Variants in EDA observed in about 807,000 individuals in gnomAD.
EDA encodes ectodysplasin-A.
Under a neutral mutation model 23.6 loss-of-function variants are expected in EDA, and 2 were observed. The observed-to-expected ratio is 0.08, with a 90% confidence interval of 0.03 to 0.27. The LOEUF is 0.27. Ranked by LOEUF, EDA falls within the 10% of genes least tolerant of loss-of-function variation. The probability of loss-of-function intolerance (pLI) is 1.00; values close to 1 mark genes in which losing one functional copy is unlikely to be tolerated. For missense variants in EDA, 229 were observed against 324.2 expected (o/e 0.71, Z 2.26); for synonymous variants, 131 against 132.0 (o/e 0.99, Z 0.05).
intron 1 of EDA, among the ~76,000 whole-genome samples, chrX:69,681,959 A>G (rs1258935385): frequency 9.2e-6 from 1 of 109,055 alleles, no homozygotes; most frequent in Non-Finnish European, 1.9e-5. Context: ...GGTTTTATCT[A>G]CTTTTGGTCT....
In EDA at chrX:69,838,972, A is replaced by G. The variant is rs780097952; in HGVS notation, c.397-118055A>G. On this transcript the variant is annotated intron_variant, in intron 1 of 7. Coordinates refer to ENST00000374552, the MANE Select transcript of EDA (RefSeq NM_001399.5). ...CACAAAGAAATAAATGCAAATATGT[A>G]GATGTTTGAAAACCCCTCCTGTCCA... Among the ~76,000 whole-genome samples, 3 of 112,206 alleles carry G rather than the reference A, an allele frequency of 2.7e-5. No homozygotes were observed. In the East Asian group the frequency reaches 8.5e-4, roughly 32 times the overall value.
At chrX:69,769,680 A>C (rs969359329) in intron 1 of EDA, among the ~76,000 whole-genome samples, 1 of 111,183 alleles carries the variant, frequency 9.0e-6, no homozygotes, top group African/African-American at 3.3e-5. Context: ...TTTATCTCTT[A>C]GTATGTTAGG....
At chrX:69,711,485 T>A (rs181272111) in intron 1 of EDA, among the ~76,000 whole-genome samples, 301 of 111,774 alleles carry the variant, frequency 2.7e-3, no homozygotes, top group African/African-American at 9.5e-3. Context: ...CAGGCTTTGG[T>A]ATCAGGATGA....
chrX:69,687,010 C>A (rs1284329908), intron 1 of EDA, among the ~76,000 whole-genome samples: 1 of 111,803 alleles, frequency 8.9e-6, no homozygotes, highest in East Asian at 2.8e-4. Flanking sequence ...GACTGTTTTC[C>A]AAAGTGGCTG....
intron 1 of EDA, among the ~76,000 whole-genome samples, chrX:69,952,811 G>A (rs138372024): frequency 4.3e-4 from 48 of 111,709 alleles, no homozygotes; most frequent in African/African-American, 1.3e-3. Flanking sequence ...TAATACAAGA[G>A]TATCTTTTCC....
At chrX:69,725,073 A>G (rs999663681) in intron 1 of EDA, among the ~76,000 whole-genome samples, 36 of 112,290 alleles carry the variant, frequency 3.2e-4, no homozygotes, top group African/African-American at 1.1e-3. Flanking sequence ...TTCAGTTTAC[A>G]TGCCATTAAC....
chrX:69,828,264 C>T (rs1397922808), intron 1 of EDA, among the ~76,000 whole-genome samples: 1 of 112,446 alleles, frequency 8.9e-6, no homozygotes, highest in African/African-American at 3.2e-5. Flanking sequence ...TTTATGTAAG[C>T]AAGCCTGGGC....
Position 69,874,577 on chromosome X carries a change from C to A in EDA, c.397-82450C>A, listed in dbSNP as rs555450126. ...AAGTTGAAAGTGTTCTTCCTGAGAA[C>A]TGAAACAAGACGAGGATGCCCACTT... On this transcript the variant is annotated intron_variant, in intron 1 of 7. Coordinates refer to ENST00000374552, the MANE Select transcript of EDA (RefSeq NM_001399.5). Among the ~76,000 whole-genome samples the A allele has an allele frequency of 1.9e-4, 21 of 111,491 alleles. No individual in the cohort carries two copies. In the South Asian group the frequency reaches 2.7e-3, roughly 14 times the overall value.
chrX:69,979,998 GT>G (rs1171507617), intron 2 of EDA, among the ~76,000 whole-genome samples: 1 of 109,681 alleles, frequency 9.1e-6, no homozygotes, highest in East Asian at 2.9e-4. Flanking sequence ...TCCAGGATCT[GT>G]TTTTTTTACT....
chrX:69,976,991 TCAAA>T (rs2019327423), intron 2 of EDA, among the ~76,000 whole-genome samples: 1 of 112,268 alleles, frequency 8.9e-6, no homozygotes, highest in Admixed American at 9.5e-5. Context: ...GGAACAGACA[TCAAA>T]CAGTTTGACA....
chrX:69,755,682 C>T (rs1231836977), intron 1 of EDA, among the ~76,000 whole-genome samples: 1 of 112,764 alleles, frequency 8.9e-6, no homozygotes, highest in Admixed American at 9.3e-5. Flanking sequence ...CAGAGGCTGA[C>T]AGGCCTCCTT....
intron 1 of EDA, among the ~76,000 whole-genome samples, chrX:69,752,912 C>T (rs866069035): frequency 7.9e-4 from 87 of 110,094 alleles, no homozygotes; most frequent in Non-Finnish European, 1.3e-3. Context: ...TCTGTGGGAT[C>T]GGTGGTGATA....
At chrX:69,622,463 G>C in intron 1 of EDA, among the ~76,000 whole-genome samples, 1 of 112,219 alleles carries the variant, frequency 8.9e-6, no homozygotes, top group Non-Finnish European at 1.9e-5. Flanking sequence ...TCAGAAGACT[G>C]ATGAGGTTGT....
At chrX:69,673,896 G>A (rs940497725) in intron 1 of EDA, among the ~76,000 whole-genome samples, 1 of 111,604 alleles carries the variant, frequency 9.0e-6, no homozygotes, top group Admixed American at 9.6e-5. Flanking sequence ...TAAGAAAGAT[G>A]TGGAATTTTC....
intron 2 of EDA, among the ~76,000 whole-genome samples, chrX:70,013,067 T>C (rs1174669708): frequency 1.8e-5 from 2 of 112,323 alleles, no homozygotes; most frequent in African/African-American, 3.2e-5. Flanking sequence ...GTCTCTGACC[T>C]TGTTACTCCT....
chrX:69,667,119 C>CT (rs35090201), intron 1 of EDA, among the ~76,000 whole-genome samples: 32,223 of 86,183 alleles, frequency 0.37, 6,203 homozygotes, highest in East Asian at 0.85. Context: ...TTTTCTTTTT[C>CT]TTTTTTTTTT....
chrX:69,935,134 T>C (rs1284327072), intron 1 of EDA, among the ~76,000 whole-genome samples: 2 of 112,293 alleles, frequency 1.8e-5, no homozygotes, highest in African/African-American at 6.5e-5. Flanking sequence ...ATTCTTTTTA[T>C]GGATAAATAG....
At chrX:69,675,439 C>T (rs1934046826) in intron 1 of EDA, among the ~76,000 whole-genome samples, 1 of 111,659 alleles carries the variant, frequency 9.0e-6, no homozygotes, top group African/African-American at 3.3e-5. Flanking sequence ...CAAATCAGTT[C>T]CCTGTAACTA....
At chrX:69,938,035 G>A (rs2018700658) in intron 1 of EDA, 2 of 1,135,712 alleles carry the variant, frequency 1.8e-6, no homozygotes, top group South Asian at 1.9e-5. Context: ...GCACAAGGGA[G>A]TCTAGATGCC....
Sources: gnomAD v4.1 joint callset for allele counts (sites outside exome capture counted in the v4.1 genomes callset) on GRCh38, gnomAD v4.1.1 for gene constraint, MANE v1.5 for transcripts, NCBI Gene and HGNC (gene_info 2026-07-23, HGNC 2026-07-21) for gene names.